Variants in TTC38 observed in about 807,000 individuals in gnomAD.
TTC38 encodes the protein tetratricopeptide repeat protein 38.
In TTC38, 64 loss-of-function variants were observed where a neutral mutation model predicts 64.2. The observed-to-expected ratio is 1.00, with a 90% CI of 0.81 to 1.23. TTC38 has a LOEUF of 1.23. Among genes scored for constraint, TTC38 ranks in the 50% most tolerant of loss-of-function variants. The pLI is 0.00. For synonymous variants in TTC38, 254 were observed against 249.3 expected (o/e 1.02, Z -0.18); for missense variants, 573 against 615.5 (o/e 0.93, Z 0.73).
chr22:46,285,768 T>C (rs532647039), intron 9 of TTC38, among the ~76,000 whole-genome samples: 66 of 151,972 alleles, frequency 4.3e-4, no homozygotes, highest in Non-Finnish European at 7.1e-4. Context: ...ATCCCAGTAA[T>C]TTGGGAGTCC....
At position 46,276,289 on chromosome 22, in the gene TTC38, TTTC is replaced by T. The variant is rs950796433; in HGVS notation, c.539+876_539+878del. ...ATCTGGAGGCAGTCTGCAGGCAGAA[TTTC>T]TTCTTCTAGGGGCCTCCGTCTTTCT... On this transcript the variant is annotated intron_variant, in intron 5 of 13. Coordinates refer to ENST00000381031, the MANE Select transcript of TTC38 (RefSeq NM_017931.4). This position sits in a 1 kb window ranked among gnomAD's most constrained non-coding sequence, Gnocchi z 4.7. Among the ~76,000 whole-genome samples, 39 of 152,276 alleles carry T rather than the reference TTTC, an allele frequency of 2.6e-4. No homozygotes were observed. The highest frequency in any genetic ancestry group is 8.7e-4 in the African/African-American group (36 of 41,572).
rs11912249 is a variant in TTC38 at position 46,286,311 on chromosome 22, C to A, written c.835-762C>A. On this transcript the variant is annotated intron_variant, in intron 9 of 13. Transcript: ENST00000381031. The stretch of plus-strand genomic sequence containing the variant: ...GGGATCTAAACATCAGAGAAAAACA[C>A]ACAGTAAATTTCCCTTGAAGTAATC... 8.8e-3 allele frequency among the ~76,000 whole-genome samples: 1,340 copies of A among 152,216 alleles called. 21 individuals are homozygous for A. Among genetic ancestry groups the A allele is most frequent in the African/African-American group, 0.031 (1,268 of 41,540 alleles).
In TTC38 at chr22:46,281,847, G is replaced by A. The variant is rs1452563149; in HGVS notation, c.735+129G>A. Reference sequence around the variant, plus strand: ...CGGGGTTCCCTCTCCTCCTCCACCTGCACCTGCCTCAGGTGTTTGGCTGCT... The same window carrying A: ...CGGGGTTCCCTCTCCTCCTCCACCTACACCTGCCTCAGGTGTTTGGCTGCT... On this transcript the variant is annotated intron_variant, in intron 7 of 13. Coordinates refer to ENST00000381031, the MANE Select transcript of TTC38 (RefSeq NM_017931.4). This position sits in a 1 kb window ranked among gnomAD's most constrained non-coding sequence, Gnocchi z 5.2. The A allele has an allele frequency of 2.4e-6, 3 of 1,245,646 alleles. No homozygotes were observed. Among genetic ancestry groups the A allele is most frequent in the African/African-American group, 1.5e-5 (1 of 67,250 alleles). The allele number at this position is 1,245,646 out of a possible 1,614,324, so 77.2% of individuals were successfully genotyped here. A position where few individuals can be genotyped will look rare whatever the true frequency, so the allele number is the denominator to read the frequency against.
chr22:46,289,255 G>T, intron 11 of TTC38, 147 bp from the exon 12 acceptor site: 1 of 1,040,438 alleles, frequency 9.6e-7, no homozygotes, highest in South Asian at 1.6e-5. Context: ...TCCCCTCGAT[G>T]GGCTGCCCCG....
Position 46,272,407 on chromosome 22 carries a change from C to T in TTC38, c.184C>T (p.Pro62Ser). The T allele has an allele frequency of 6.2e-7, 1 of 1,613,624 alleles. No individual in the cohort carries two copies. The highest frequency in any genetic ancestry group is 8.5e-7 in the Non-Finnish European group (1 of 1,179,716). The change falls in exon 3 of 14, where the codon CCA (proline) becomes TCA (serine). Residue 62 changes from proline to serine, a missense_variant. Coordinates refer to ENST00000381031, the MANE Select transcript of TTC38 (RefSeq NM_017931.4). This position sits in a 1 kb window ranked among gnomAD's most constrained non-coding sequence, Gnocchi z 6.4. ...CCTGTCAAAGCTCAAAGCAGCAGATCCAACCTTTGGTGAGTAACGCCTTCC... is the reference window on the plus strand; with the variant it reads ...CCTGTCAAAGCTCAAAGCAGCAGATTCAACCTTTGGTGAGTAACGCCTTCC... Reference protein sequence around the residue: ...GCLSKLKAADPTFVMGHAMAT... With the variant: ...GCLSKLKAADSTFVMGHAMAT...
rs940736369 is a variant in TTC38, at chr22:46,282,018, A to G, written c.735+300A>G. Reference sequence around the variant, plus strand: ...AGCCTCTTCAAAGCACATGAGCTGCACCATGACGGGGACCCTCTGTGGGAT... The same window carrying G: ...AGCCTCTTCAAAGCACATGAGCTGCGCCATGACGGGGACCCTCTGTGGGAT... On this transcript the variant is annotated intron_variant, in intron 7 of 13. Coordinates refer to ENST00000381031, the MANE Select transcript of TTC38 (RefSeq NM_017931.4). This position sits in a 1 kb window ranked among gnomAD's most constrained non-coding sequence, Gnocchi z 4.4. The G allele has an allele frequency of 1.8e-6, 1 of 550,498 alleles. No homozygotes were observed. 34.1% of individuals were successfully genotyped at this position (550,498 alleles called of 1,614,324 possible). A position where few individuals can be genotyped will look rare whatever the true frequency, so the allele number is the denominator to read the frequency against.
rs952888618 is a variant in TTC38 at position 46,287,250 on chromosome 22, A to C, written c.916+96A>C. ...TAGGCCCAGGGTTGGGCAAGAGCTC[A>C]TGGGTGAGCCGCTCCAGACCCCTCT... On this transcript the variant is annotated intron_variant, in intron 10 of 13. Coordinates refer to ENST00000381031, the MANE Select transcript of TTC38 (RefSeq NM_017931.4). 16 of 1,104,824 alleles carry C rather than the reference A, an allele frequency of 1.4e-5. No individual in the cohort carries two copies. In the East Asian group the frequency reaches 3.7e-4, roughly 26 times the overall value. 68.4% of individuals were successfully genotyped at this position (1,104,824 alleles called of 1,614,324 possible). A position where few individuals can be genotyped will look rare whatever the true frequency, so the allele number is the denominator to read the frequency against.
chr22:46,268,649 T>C (rs1471503736), intron 2 of TTC38, 58 bp downstream of exon 2: 9 of 1,520,290 alleles, frequency 5.9e-6, no homozygotes, highest in Non-Finnish European at 7.2e-6. Context: ...GAAGGTTTTT[T>C]AATTGGGGAA....
In TTC38 at chr22:46,275,351, T is replaced by G; in HGVS notation, c.469T>G (p.Tyr157Asp). Residue 157 changes from tyrosine (Y) to aspartate (D), a missense_variant, in exon 5 of 14, where the codon TAT (tyrosine) becomes GAT (aspartate). Tyr to Asp is a radical substitution (Grantham distance 160). This residue lies in a region of TTC38 where 68 missense variants were observed against 107.3 expected (regional missense o/e 0.63). Coordinates refer to ENST00000381031, the MANE Select transcript of TTC38 (RefSeq NM_017931.4). The surrounding 1 kb of genome is among the most constrained non-coding windows in gnomAD (Gnocchi z 4.5). The stretch of plus-strand genomic sequence containing the variant: ...CCATGATGCTTATTTTTACCTGGGC[T>G]ATCAGGAACAGATGAGAGATTCTGT... ...FSHDAYFYLGYQEQMRDSVAR... is the reference protein window; with the variant it reads ...FSHDAYFYLGDQEQMRDSVAR... 6.2e-7 allele frequency: 1 copy of G among 1,614,196 alleles called. No individual in the cohort carries two copies. The highest frequency in any genetic ancestry group is 8.5e-7 in the Non-Finnish European group (1 of 1,180,034).
Position 46,281,599 on chromosome 22 carries a change from G to C in TTC38, c.616G>C (p.Ala206Pro). The C allele has an allele frequency of 6.2e-7, 1 of 1,614,014 alleles. No individual in the cohort carries two copies. The highest frequency in any genetic ancestry group is 8.5e-7 in the Non-Finnish European group (1 of 1,179,998). ...ATCCTCTTCCCCGCACCCTGCGTAG[G>C]CTTTATCTATTAACCCGACAGACGC... Reference protein sequence around the residue: ...YDQAEKLAKEALSINPTDAWS... With the variant: ...YDQAEKLAKEPLSINPTDAWS... The change falls in exon 7 of 14, where the codon GCT (alanine) becomes CCT (proline). Residue 206 changes from alanine (A) to proline (P), a missense_variant and splice_region_variant. Physicochemically the swap from Ala to Pro is conservative, Grantham distance 27. Transcript: ENST00000381031. The surrounding 1 kb of genome is among the most constrained non-coding windows in gnomAD (Gnocchi z 5.2).
In TTC38 at chr22:46,273,870, C is replaced by T; in HGVS notation, c.194-28C>T. ...ATGGGCTGAGCTGGACCATCTGAAC[C>T]ACCAGCCGTTCTCTAACCTCCCACC... On this transcript the variant is annotated intron_variant, in intron 3 of 13. Coordinates refer to ENST00000381031, the MANE Select transcript of TTC38 (RefSeq NM_017931.4). This position sits in a 1 kb window ranked among gnomAD's most constrained non-coding sequence, Gnocchi z 5.1. 6.2e-7 allele frequency: 1 copy of T among 1,612,770 alleles called. No homozygotes were observed. Among genetic ancestry groups the T allele is most frequent in the Non-Finnish European group, 8.5e-7 (1 of 1,179,268 alleles).
At position 46,292,729 on chromosome 22, in the gene TTC38, C is replaced by T. The variant is rs2077624935; in HGVS notation, c.1317-62C>T. 6.9e-7 allele frequency: 1 copy of T among 1,448,422 alleles called. No homozygotes were observed. The highest frequency in any genetic ancestry group is 9.7e-7 in the Non-Finnish European group (1 of 1,032,290). The allele number at this position is 1,448,422 out of a possible 1,614,324, so 89.7% of individuals were successfully genotyped here. A position where few individuals can be genotyped will look rare whatever the true frequency, so the allele number is the denominator to read the frequency against. ...TGTGTTCTGCCTTGGGACCAAGGGA[C>T]CACCAGGCCCCACATCCCTCTAGAA... On this transcript the variant is annotated intron_variant, in intron 13 of 13. Transcript: ENST00000381031. This position sits in a 1 kb window ranked among gnomAD's most constrained non-coding sequence, Gnocchi z 6.5.
At chr22:46,287,293 C>G in intron 10 of TTC38, 139 bp downstream of exon 10, 1 of 677,664 alleles carries the variant, frequency 1.5e-6, no homozygotes, top group South Asian at 2.1e-5. Context: ...TGGCCACTGC[C>G]TTGGGTACCG....
rs1440176306 is a variant in TTC38 at position 46,270,956 on chromosome 22, G to A, written c.112-1379G>A. Among the ~76,000 whole-genome samples, 1 of 152,148 alleles carries A rather than the reference G, an allele frequency of 6.6e-6. No homozygotes were observed. The highest frequency in any genetic ancestry group is 1.5e-5 in the Non-Finnish European group (1 of 68,034). The stretch of plus-strand genomic sequence containing the variant: ...GAAACCTGGAGGCAGAGGTTGCAGT[G>A]AGCCAAGATCGTGCCATTGCACTCC... On this transcript the variant is annotated intron_variant, in intron 2 of 13. Coordinates refer to ENST00000381031, the MANE Select transcript of TTC38 (RefSeq NM_017931.4). This position sits in a 1 kb window ranked among gnomAD's most constrained non-coding sequence, Gnocchi z 4.7.
chr22:46,285,403 T>A, intron 9 of TTC38, 124 bp downstream of exon 9: 1 of 982,304 alleles, frequency 1.0e-6, no homozygotes, highest in Non-Finnish European at 1.6e-6. Context: ...AAGAACACAT[T>A]TCTTGTGTAA....
In TTC38 at chr22:46,289,427, C is replaced by T. The variant is rs765847531; in HGVS notation, c.1108C>T (p.Leu370Phe). The change falls in exon 12 of 14, where the codon CTC becomes TTC. Residue 370 changes from leucine to phenylalanine, a missense_variant. Physicochemically the swap from Leu to Phe is conservative, Grantham distance 22. This residue lies in a region of TTC38 where 371 missense variants were observed against 381.8 expected (regional missense o/e 0.97). Transcript: ENST00000381031. Reference protein sequence around the residue: ...SESPGENCQHLLARDVGLPLC... With the variant: ...SESPGENCQHFLARDVGLPLC... ...ATCCCCAGGGGAGAACTGCCAGCAC[C>T]TCCTGGCCCGAGACGTGGGGCTGCC... The T allele has an allele frequency of 1.2e-6, 2 of 1,609,532 alleles. No individual in the cohort carries two copies. The highest frequency in any genetic ancestry group is 8.5e-7 in the Non-Finnish European group (1 of 1,179,754).
rs910804572 is a variant in TTC38 at position 46,270,515 on chromosome 22, A to G, written c.112-1820A>G. Among the ~76,000 whole-genome samples the G allele has an allele frequency of 1.3e-5, 2 of 152,226 alleles. No individual in the cohort carries two copies. The highest frequency in any genetic ancestry group is 2.4e-5 in the African/African-American group (1 of 41,458). ...AAAACAGGCATTTGAGTAAAGGACC[A>G]GGTACAAATACAGCAAATTGTTAAA... On this transcript the variant is annotated intron_variant, in intron 2 of 13. Transcript: ENST00000381031. This position sits in a 1 kb window ranked among gnomAD's most constrained non-coding sequence, Gnocchi z 4.7.
chr22:46,284,256 C>T (rs1014985424), intron 8 of TTC38, among the ~76,000 whole-genome samples: 24 of 152,180 alleles, frequency 1.6e-4, no homozygotes, highest in Admixed American at 1.3e-3. Flanking sequence ...CCATTCAGAG[C>T]GAGTGCCTGT....
chr22:46,268,254 C>T (rs933911976), intron 1 of TTC38, among the ~76,000 whole-genome samples, 182 bp downstream of exon 1: 2 of 152,224 alleles, frequency 1.3e-5, no homozygotes, highest in Non-Finnish European at 2.9e-5. Context: ...GAGTCCCCAC[C>T]GAGGGAAATA....
Sources: allele counts gnomAD v4.1 joint callset (sites outside exome capture counted in the v4.1 genomes callset), GRCh38; gene constraint gnomAD v4.1.1; regional missense constraint gnomAD v4.1.1; non-coding constraint Gnocchi (gnomAD v3.1); transcripts MANE v1.5; gene names NCBI Gene and HGNC (gene_info 2026-07-23, HGNC 2026-07-21).